NSMCE2: variants seen among roughly 807,000 people sequenced by gnomAD.
NSMCE2 encodes NSE2 SUMO ligase component of SMC5/6 complex.
In NSMCE2, 24 loss-of-function variants were observed where a neutral mutation model predicts 23.8. The observed-to-expected ratio is 1.01, with a 90% CI of 0.73 to 1.42. NSMCE2 has a LOEUF of 1.42. NSMCE2 is among the 40% of genes most tolerant of loss of function. NSMCE2 has a pLI of 0.00. For synonymous variants in NSMCE2, 92 were observed against 94.1 expected (o/e 0.98, Z 0.13); for missense variants, 284 against 296.5 (o/e 0.96, Z 0.31).
intron 5 of NSMCE2, among the ~76,000 whole-genome samples, chr8:125,306,199 A>T (rs1457422482): frequency 6.6e-6 from 1 of 151,932 alleles, no homozygotes; most frequent in Non-Finnish European, 1.5e-5. Context: ...GTGTCATGGC[A>T]TGTGCCTGTA....
chr8:125,183,737 A>G (rs1213698891), intron 5 of NSMCE2, among the ~76,000 whole-genome samples: 1 of 152,010 alleles, frequency 6.6e-6, no homozygotes, highest in Non-Finnish European at 1.5e-5. Context: ...TAGAGATTAA[A>G]CAAAGCTTTT....
chr8:125,124,532 T>G (rs1819422234), intron 3 of NSMCE2, among the ~76,000 whole-genome samples: 1 of 152,056 alleles, frequency 6.6e-6, no homozygotes, highest in African/African-American at 2.4e-5. Flanking sequence ...AGGCTGAAGT[T>G]CAGTGGGGTG....
chr8:125,229,697 G>A (rs1006564087), intron 5 of NSMCE2, among the ~76,000 whole-genome samples: 1 of 152,134 alleles, frequency 6.6e-6, no homozygotes, highest in African/African-American at 2.4e-5. Context: ...TCTACTTTGT[G>A]TATAAGGATA....
chr8:125,269,256 T>C (rs574976051), intron 5 of NSMCE2, among the ~76,000 whole-genome samples: 2 of 152,026 alleles, frequency 1.3e-5, no homozygotes, highest in Non-Finnish European at 2.9e-5. Context: ...CTTGGCTAAT[T>C]TTTGTATTTT....
Position 125,278,865 on chromosome 8 carries a change from T to G in NSMCE2, c.419-78354T>G, listed in dbSNP as rs76274724. On this transcript the variant is annotated intron_variant, in intron 5 of 7. Coordinates refer to ENST00000287437, the MANE Select transcript of NSMCE2 (RefSeq NM_173685.4). ...TGCTGCTGAAATTTTATATCTAAGA[T>G]TATCTTCCTATTATCTAGCCAGGAT... Among the ~76,000 whole-genome samples, 897 of 152,208 alleles carry G rather than the reference T, an allele frequency of 5.9e-3. 9 individuals are homozygous for G. The highest frequency in any genetic ancestry group is 0.019 in the African/African-American group (803 of 41,534).
intron 5 of NSMCE2, among the ~76,000 whole-genome samples, chr8:125,210,949 T>C (rs1181202747): frequency 6.6e-6 from 1 of 152,110 alleles, no homozygotes; most frequent in African/African-American, 2.4e-5. Context: ...GCCAGGCTGG[T>C]CTTGGACCCC....
intron 5 of NSMCE2, among the ~76,000 whole-genome samples, chr8:125,183,051 TAAA>T (rs1263277364): frequency 6.6e-6 from 1 of 152,196 alleles, no homozygotes; most frequent in East Asian, 1.9e-4. Flanking sequence ...TTGTATTTCT[TAAA>T]GAAGTGAATA....
intron 3 of NSMCE2, among the ~76,000 whole-genome samples, chr8:125,111,643 T>G (rs1187271885): frequency 6.6e-6 from 1 of 151,972 alleles, no homozygotes. Flanking sequence ...CTACCAAAAA[T>G]AGAAAAATTA....
At chr8:125,098,679 G>C (rs1190652874) in intron 1 of NSMCE2, among the ~76,000 whole-genome samples, 1 of 152,002 alleles carries the variant, frequency 6.6e-6, no homozygotes, top group Non-Finnish European at 1.5e-5. Context: ...TTTGGTATAG[G>C]ATATGAGGGG....
chr8:125,148,780 G>A (rs979092461), intron 3 of NSMCE2, among the ~76,000 whole-genome samples: 1 of 152,104 alleles, frequency 6.6e-6, no homozygotes, highest in South Asian at 2.1e-4. Context: ...GAAACCAATA[G>A]TCTATTTTTC....
chr8:125,093,090 T>C (rs1006798772), intron 1 of NSMCE2, among the ~76,000 whole-genome samples: 8 of 152,192 alleles, frequency 5.3e-5, no homozygotes, highest in African/African-American at 1.9e-4. Context: ...TGGGCTTCTG[T>C]AACGGAAATG....
intron 5 of NSMCE2, among the ~76,000 whole-genome samples, chr8:125,344,908 C>T (rs1830380268): frequency 6.6e-6 from 1 of 151,560 alleles, no homozygotes; most frequent in Non-Finnish European, 1.5e-5. Context: ...TTTTGTGAGT[C>T]ATAATTCTAC....
chr8:125,185,980 ACC>A (rs1823077381), intron 5 of NSMCE2, among the ~76,000 whole-genome samples: 1 of 152,212 alleles, frequency 6.6e-6, no homozygotes. Context: ...GATCTTGCAG[ACC>A]ACCAGAAGTT....
At chr8:125,173,526 G>T (rs1822326360) in intron 4 of NSMCE2, among the ~76,000 whole-genome samples, 1 of 152,046 alleles carries the variant, frequency 6.6e-6, no homozygotes, top group Non-Finnish European at 1.5e-5. Flanking sequence ...TAGATGATAG[G>T]GTATGTGGTA....
intron 4 of NSMCE2, among the ~76,000 whole-genome samples, chr8:125,168,623 G>A (rs562779553): frequency 9.9e-5 from 15 of 152,278 alleles, no homozygotes; most frequent in African/African-American, 3.6e-4. Flanking sequence ...GCTCTCTGGG[G>A]CCTCTTTTAT....
chr8:125,094,538 G>GT (rs1817836434), intron 1 of NSMCE2: 1 of 152,160 alleles, frequency 6.6e-6, no homozygotes, highest in Non-Finnish European at 1.5e-5. Flanking sequence ...AGTAATGTGA[G>GT]TTTTGCATTC....
At chr8:125,319,378 A>G (rs1829333422) in intron 5 of NSMCE2, among the ~76,000 whole-genome samples, 1 of 152,232 alleles carries the variant, frequency 6.6e-6, no homozygotes, top group Admixed American at 6.5e-5. Flanking sequence ...AGGGAGGGAA[A>G]ATCAACCCAT....
At chr8:125,122,754 A>G (rs13273034) in intron 3 of NSMCE2, among the ~76,000 whole-genome samples, 10,247 of 152,222 alleles carry the variant, frequency 0.067, 443 homozygotes, top group South Asian at 0.15. Flanking sequence ...TATTTCAACT[A>G]TATACTATAT....
chr8:125,096,583 A>G (rs541117137), intron 1 of NSMCE2, among the ~76,000 whole-genome samples: 2 of 113,794 alleles, frequency 1.8e-5, no homozygotes, highest in African/African-American at 3.3e-5. Flanking sequence ...TTTTGTTTTG[A>G]TTGTGAGGAA....
Sources: allele counts gnomAD v4.1 joint callset (sites outside exome capture counted in the v4.1 genomes callset), GRCh38; gene constraint gnomAD v4.1.1; transcripts MANE v1.5; gene names NCBI Gene and HGNC (gene_info 2026-07-23, HGNC 2026-07-21).